RBFOX1: variants seen among roughly 807,000 people sequenced by gnomAD.
RBFOX1 encodes RNA binding fox-1 homolog 1.
RBFOX1 carries 8 observed loss-of-function variants against 57.7 expected under a neutral mutation model. That is an observed-to-expected ratio of 0.14 (90% CI 0.08 to 0.25). The LOEUF is 0.25. Ranked by LOEUF, RBFOX1 falls within the 10% of genes least tolerant of loss-of-function variation. The pLI, the probability that RBFOX1 is intolerant of heterozygous loss-of-function variation, is 1.00. For missense variants in RBFOX1, 611 were observed against 548.5 expected (o/e 1.11, Z -1.14); for synonymous variants, 326 against 222.4 (o/e 1.47, Z -4.15).
intron 4 of RBFOX1, among the ~76,000 whole-genome samples, chr16:7,278,938 G>A (rs138816902): frequency 2.0e-5 from 3 of 152,130 alleles, no homozygotes; most frequent in East Asian, 3.9e-4. Context: ...TTGATTGTTC[G>A]ATTGCTTTCT....
At chr16:6,601,704 T>C (rs17193170) in intron 2 of RBFOX1, among the ~76,000 whole-genome samples, 5,605 of 152,232 alleles carry the variant, frequency 0.037, 154 homozygotes, top group South Asian at 0.07. Context: ...AGAGGCTTCA[T>C]CTTAAGTCAT....
chr16:5,539,139 T>C (rs2044826744), intron 2 of RBFOX1, among the ~76,000 whole-genome samples: 1 of 152,166 alleles, frequency 6.6e-6, no homozygotes, highest in Non-Finnish European at 1.5e-5. Flanking sequence ...ACACCTGGGC[T>C]TCCAGGTGCA....
At chr16:6,203,607 G>A (rs535165374) in intron 1 of RBFOX1, among the ~76,000 whole-genome samples, 3 of 152,188 alleles carry the variant, frequency 2.0e-5, no homozygotes, top group African/African-American at 7.2e-5. Context: ...TACCATCATG[G>A]GAATGCAATC....
intron 3 of RBFOX1, among the ~76,000 whole-genome samples, chr16:6,771,472 A>G (rs12325641): frequency 0.014 from 2,169 of 152,252 alleles, 61 homozygotes; most frequent in African/African-American, 0.048. Context: ...CAGATAGCAG[A>G]GAGACTTTCT....
intron 4 of RBFOX1, among the ~76,000 whole-genome samples, chr16:7,469,851 G>A (rs566717485): frequency 1.4e-4 from 21 of 152,104 alleles, no homozygotes; most frequent in Non-Finnish European, 2.2e-4. Flanking sequence ...CGTCCTGCTC[G>A]CAGCCCCTGG....
intron 1 of RBFOX1, among the ~76,000 whole-genome samples, chr16:6,071,530 C>G (rs2095838183): frequency 6.6e-6 from 1 of 151,488 alleles, no homozygotes; most frequent in African/African-American, 2.4e-5. Flanking sequence ...CTTAAAAAAA[C>G]TGTTTTAAAA....
intron 4 of RBFOX1, among the ~76,000 whole-genome samples, chr16:7,148,280 A>G (rs528344366): frequency 1.5e-4 from 23 of 152,306 alleles, no homozygotes; most frequent in African/African-American, 4.6e-4. Flanking sequence ...TGCTCTTGGT[A>G]TTATTTACAA....
At chr16:6,801,124 C>A (rs2085333200) in intron 3 of RBFOX1, among the ~76,000 whole-genome samples, 1 of 150,124 alleles carries the variant, frequency 6.7e-6, no homozygotes, top group Non-Finnish European at 1.5e-5. Flanking sequence ...ACCTATTAAG[C>A]ATTTCTGATA....
chr16:5,522,045 G>C (rs577553212), intron 2 of RBFOX1, among the ~76,000 whole-genome samples: 2 of 152,312 alleles, frequency 1.3e-5, no homozygotes, highest in East Asian at 3.9e-4. Flanking sequence ...TTCGACTGGG[G>C]TTCTGGAAAT....
At chr16:6,359,518 C>T (rs1209930697) in intron 2 of RBFOX1, among the ~76,000 whole-genome samples, 2 of 152,184 alleles carry the variant, frequency 1.3e-5, no homozygotes, top group African/African-American at 2.4e-5. Context: ...TAATGAAAGA[C>T]ACTCTTCCCA....
At chr16:6,962,195 C>T (rs564238023) in intron 3 of RBFOX1, among the ~76,000 whole-genome samples, 4 of 152,110 alleles carry the variant, frequency 2.6e-5, no homozygotes, top group Non-Finnish European at 5.9e-5. Flanking sequence ...GGCAGAATGA[C>T]TCCAACTCTG....
At chr16:7,675,697 C>CT (rs2073070676) in intron 13 of RBFOX1, among the ~76,000 whole-genome samples, 2 of 151,806 alleles carry the variant, frequency 1.3e-5, no homozygotes, top group South Asian at 4.1e-4. Context: ...ATGAACCTAC[C>CT]TTTCCCTCTC....
Position 5,898,906 on chromosome 16 carries a change from A to T in RBFOX1, c.351+31571A>T, listed in dbSNP as rs560763979. On this transcript the variant is annotated intron_variant, in intron 4 of 19. Coordinates refer to the RBFOX1 transcript ENST00000641259. ...GAGTCTCCATCTCTATTAAAAAAAAAAAAAAAAGTAGCCGGGTGTGGTGTC... is the reference window on the plus strand; with the variant it reads ...GAGTCTCCATCTCTATTAAAAAAAATAAAAAAAGTAGCCGGGTGTGGTGTC... Among the ~76,000 whole-genome samples the T allele has an allele frequency of 1.5e-4, 23 of 151,532 alleles. No homozygotes were observed. In the East Asian group the frequency reaches 2.9e-3, roughly 19 times the overall value.
At chr16:6,811,448 C>A (rs993047005) in intron 3 of RBFOX1, among the ~76,000 whole-genome samples, 1 of 151,946 alleles carries the variant, frequency 6.6e-6, no homozygotes, top group East Asian at 1.9e-4. Flanking sequence ...TATTTTTTTC[C>A]TCTATGAATA....
At chr16:6,281,146 A>G (rs1159034352) in intron 1 of RBFOX1, among the ~76,000 whole-genome samples, 1 of 151,950 alleles carries the variant, frequency 6.6e-6, no homozygotes, top group African/African-American at 2.4e-5. Context: ...TATTGAGCAG[A>G]TGGTGGGGGA....
At chr16:7,251,815 C>T (rs557125517) in intron 4 of RBFOX1, among the ~76,000 whole-genome samples, 4 of 152,276 alleles carry the variant, frequency 2.6e-5, no homozygotes, top group Admixed American at 1.3e-4. Context: ...GATATCCCTT[C>T]AAAATACTGA....
chr16:7,690,057 T>C (rs1439996937), intron 14 of RBFOX1, among the ~76,000 whole-genome samples: 1 of 152,122 alleles, frequency 6.6e-6, no homozygotes, highest in Non-Finnish European at 1.5e-5. Context: ...ATCCCTTCCT[T>C]GAATCCACTT....
intron 2 of RBFOX1, among the ~76,000 whole-genome samples, chr16:6,623,423 C>T (rs1182142504): frequency 6.9e-6 from 1 of 145,836 alleles, no homozygotes; most frequent in African/African-American, 2.5e-5. Context: ...GTCCATGCTG[C>T]ATATTGTTAG....
chr16:6,243,885 T>G (rs933476), intron 1 of RBFOX1, among the ~76,000 whole-genome samples: 144,267 of 152,198 alleles, frequency 0.95, 68,764 homozygotes, highest in East Asian at 1. Flanking sequence ...AGAGAGGACG[T>G]GTCCAGAGGC....
Sources: gnomAD v4.1 joint callset for allele counts (sites outside exome capture counted in the v4.1 genomes callset) on GRCh38, gnomAD v4.1.1 for gene constraint, MANE v1.5 for transcripts, NCBI Gene and HGNC (gene_info 2026-07-23, HGNC 2026-07-21) for gene names.